The following CDH13 variants were observed in gnomAD, a reference collection of about 807,000 sequenced individuals.
CDH13 encodes the protein cadherin-13.
A neutral mutation model predicts 63.8 loss-of-function variants in CDH13; 24 were observed. The observed-to-expected ratio is 0.38, with a 90% confidence interval of 0.27 to 0.53. CDH13 has a LOEUF of 0.53. Ranked by LOEUF, CDH13 falls within the 20% of genes least tolerant of loss-of-function variation. The probability of loss-of-function intolerance (pLI) is 0.85; values close to 1 mark genes in which losing one functional copy is unlikely to be tolerated. For missense variants in CDH13, 1,049 were observed against 903.1 expected (o/e 1.16, Z -2.07); for synonymous variants, 503 against 355.3 (o/e 1.42, Z -4.67).
At chr16:82,787,968 G>A (rs1433472527) in intron 1 of CDH13, among the ~76,000 whole-genome samples, 1 of 151,758 alleles carries the variant, frequency 6.6e-6, no homozygotes, top group African/African-American at 2.4e-5. Flanking sequence ...AGAGGATGGT[G>A]TCACTGTGTC....
At chr16:83,497,161 G>T (rs979967446) in intron 7 of CDH13, among the ~76,000 whole-genome samples, 5 of 152,076 alleles carry the variant, frequency 3.3e-5, no homozygotes, top group East Asian at 1.9e-4. Flanking sequence ...CCATTACTGG[G>T]TATATACCCA....
At chr16:83,191,476 T>G (rs867110260) in intron 4 of CDH13, among the ~76,000 whole-genome samples, 1,895 of 125,924 alleles carry the variant, frequency 0.015, 36 homozygotes, top group Middle Eastern at 0.04. Context: ...TATATATATA[T>G]ATATATATAT....
At chr16:83,598,422 A>G (rs900806970) in intron 7 of CDH13, among the ~76,000 whole-genome samples, 1 of 152,150 alleles carries the variant, frequency 6.6e-6, no homozygotes, top group Non-Finnish European at 1.5e-5. Context: ...GCTACAAAAA[A>G]TTTTCTGTTT....
chr16:83,535,689 G>A (rs1451037024), intron 7 of CDH13, among the ~76,000 whole-genome samples: 4 of 152,164 alleles, frequency 2.6e-5, no homozygotes, highest in Non-Finnish European at 5.9e-5. Context: ...TTAGGCCTCA[G>A]TTTCCCCAAG....
rs1912095800 is a variant in CDH13, at chr16:82,995,429, G to A, written c.158-36581G>A. ...GGCAAGAAGTCTATTTTCCCTTCCT[G>A]TTTTTCCCTTCTTCAGCTGAAACGC... On this transcript the variant is annotated intron_variant, in intron 2 of 13. Transcript: ENST00000567109. 2.0e-5 allele frequency among the ~76,000 whole-genome samples: 3 copies of A among 152,240 alleles called. No individual in the cohort carries two copies. The East Asian group carries it at 5.8e-4, about 29-fold the overall frequency.
At chr16:83,347,365 TG>T (rs1446068522) in intron 6 of CDH13, among the ~76,000 whole-genome samples, 9 of 3,758 alleles carry the variant, frequency 2.4e-3, no homozygotes, top group African/African-American at 0.01. Flanking sequence ...GGGGTTTGGG[TG>T]GGGGTAGGGG....
At position 82,863,544 on chromosome 16, in the gene CDH13, C is replaced by G. The variant is rs994100569; in HGVS notation, c.157+5071C>G. On this transcript the variant is annotated intron_variant, in intron 2 of 13. Coordinates refer to ENST00000567109, the MANE Select transcript of CDH13 (RefSeq NM_001257.5). ...TTCACATCCTCCAAGTTTGAATTAT[C>G]TCATCTCCAAAAGAAGATTAATGGT... Among the ~76,000 whole-genome samples, 8 of 152,314 alleles carry G rather than the reference C, an allele frequency of 5.3e-5. No homozygotes were observed. The Middle Eastern group carries it at 0.01, about 194-fold the overall frequency.
rs535977431 is a variant in CDH13, at chr16:83,575,634, C to G, written c.961-26820C>G. Among the ~76,000 whole-genome samples the G allele has an allele frequency of 6.7e-4, 102 of 152,282 alleles. 1 individual carries two copies. Among genetic ancestry groups the G allele is most frequent in the African/African-American group, 2.4e-3 (99 of 41,554 alleles). ...GAGTATTTTTTCACCTTGCTCCATC[C>G]TATTGTCCTCATTACCTCTTAACCT... On this transcript the variant is annotated intron_variant, in intron 7 of 13. Coordinates refer to ENST00000567109, the MANE Select transcript of CDH13 (RefSeq NM_001257.5).
intron 5 of CDH13, among the ~76,000 whole-genome samples, chr16:83,238,910 TCTC>T (rs1310239621): frequency 1.3e-5 from 2 of 152,140 alleles, no homozygotes; most frequent in Non-Finnish European, 2.9e-5. Context: ...CACATCCTAT[TCTC>T]CTCACCTTTG....
At chr16:82,777,627 T>C (rs1212416655) in intron 1 of CDH13, among the ~76,000 whole-genome samples, 2 of 152,200 alleles carry the variant, frequency 1.3e-5, no homozygotes, top group African/African-American at 4.8e-5. Context: ...ACCATATTTA[T>C]TATTCCACAA....
chr16:83,371,412 G>C (rs1259123051), intron 6 of CDH13, among the ~76,000 whole-genome samples: 2 of 152,090 alleles, frequency 1.3e-5, no homozygotes, highest in South Asian at 2.1e-4. Context: ...CTTGCTTACT[G>C]CCCATTATAA....
At chr16:83,534,371 A>G (rs2151637067) in intron 7 of CDH13, among the ~76,000 whole-genome samples, 1 of 152,326 alleles carries the variant, frequency 6.6e-6, no homozygotes, top group South Asian at 2.1e-4. Context: ...TTCCTGTTCT[A>G]CAAAGGGAAA....
rs138010864 is a variant in CDH13 at position 83,677,449 on chromosome 16, G to A, written c.1285-759G>A. Among the ~76,000 whole-genome samples, 60 of 152,248 alleles carry A rather than the reference G, an allele frequency of 3.9e-4. 1 individual carries two copies. In the East Asian group the frequency reaches 8.1e-3, roughly 21 times the overall value. On this transcript the variant is annotated intron_variant, in intron 9 of 13. Coordinates refer to ENST00000567109, the MANE Select transcript of CDH13 (RefSeq NM_001257.5). ...GTCTAGTATTGCTGTCCCCCGCCCGGCAAATGGTTGTAGAGCCCTCGAGTC... is the reference window on the plus strand; with the variant it reads ...GTCTAGTATTGCTGTCCCCCGCCCGACAAATGGTTGTAGAGCCCTCGAGTC...
intron 5 of CDH13, among the ~76,000 whole-genome samples, chr16:83,259,940 T>A (rs950529170): frequency 5.9e-5 from 9 of 152,166 alleles, no homozygotes; most frequent in Non-Finnish European, 1.3e-4. Context: ...AACATCATTC[T>A]TGAGTGATTC....
chr16:82,699,705 T>C (rs1644083534), intron 1 of CDH13, among the ~76,000 whole-genome samples: 1 of 152,190 alleles, frequency 6.6e-6, no homozygotes, highest in African/African-American at 2.4e-5. Flanking sequence ...AAACATAGCT[T>C]TTACTGTTTT....
chr16:83,773,306 C>G (rs115601395), intron 11 of CDH13, among the ~76,000 whole-genome samples: 1,968 of 152,294 alleles, frequency 0.013, 52 homozygotes, highest in African/African-American at 0.045. Context: ...AGTCCATTCT[C>G]ATACTACTGT....
Position 83,511,618 on chromosome 16 carries a change from A to T in CDH13, c.960+24963A>T, listed in dbSNP as rs1385695616. Among the ~76,000 whole-genome samples the T allele has an allele frequency of 3.3e-5, 5 of 152,350 alleles. No homozygotes were observed. The East Asian group carries it at 9.6e-4, about 29-fold the overall frequency. ...ATTTTACCATACAAACATATTTATT[A>T]TGCTTGTCTCACTAAAAAGCAGTAA... is the stretch of plus-strand genomic sequence containing the variant. On this transcript the variant is annotated intron_variant, in intron 7 of 13. Transcript: ENST00000567109.
In CDH13 at chr16:83,313,666, A is replaced by AAAAT. The variant is rs1555528954; in HGVS notation, c.637-31196_637-31195insAAAT. The stretch of plus-strand genomic sequence containing the variant: ...TGTAAAAAAAAAAAAAAAAAAAAAA[A>AAAAT]GGGAGGTCCTTGGTATTACCAATTT... On this transcript the variant is annotated intron_variant, in intron 5 of 13. Coordinates refer to ENST00000567109, the MANE Select transcript of CDH13 (RefSeq NM_001257.5). Among the ~76,000 whole-genome samples, 930 of 144,252 alleles carry AAAAT rather than the reference A, an allele frequency of 6.4e-3. 51 individuals carry two copies. The highest frequency in any genetic ancestry group is 0.011 in the Non-Finnish European group (698 of 65,440). 94.6% of individuals were successfully genotyped at this position (144,252 alleles called of 152,430 possible).
chr16:83,597,275 C>T (rs890991575), intron 7 of CDH13, among the ~76,000 whole-genome samples: 1 of 152,074 alleles, frequency 6.6e-6, no homozygotes, highest in Non-Finnish European at 1.5e-5. Context: ...AAATGTTCAT[C>T]CAGTAGGGAT....
Sources: allele counts gnomAD v4.1 joint callset (sites outside exome capture counted in the v4.1 genomes callset), GRCh38; gene constraint gnomAD v4.1.1; transcripts MANE v1.5; gene names NCBI Gene and HGNC (gene_info 2026-07-23, HGNC 2026-07-21).